Variants in TFDP2 observed in about 807,000 individuals in gnomAD.
TFDP2 encodes transcription factor Dp-2.
A neutral mutation model predicts 59.3 loss-of-function variants in TFDP2; 17 were observed. The ratio of observed to expected loss-of-function variants is 0.29; its 90% CI spans 0.20 to 0.43. The LOEUF (loss-of-function observed/expected upper bound fraction) is 0.43. TFDP2 is among the 20% of genes least tolerant of loss of function. TFDP2 has a pLI of 1.00. For missense variants in TFDP2, 391 were observed against 528.8 expected, an observed-to-expected ratio of 0.74 and a Z score of 2.56; for synonymous variants, 180 against 194.7, an observed-to-expected ratio of 0.92 and a Z score of 0.63.
intron 3 of TFDP2, among the ~76,000 whole-genome samples, chr3:142,077,316 C>CG (rs1406516303): frequency 6.6e-6 from 1 of 152,096 alleles, no homozygotes; most frequent in African/African-American, 2.4e-5. Flanking sequence ...CAGTGGACAT[C>CG]GGGGGCACAC....
Position 141,986,290 on chromosome 3 carries a change from C to T in TFDP2, c.356+7248G>A, listed in dbSNP as rs544278516. Among the ~76,000 whole-genome samples, 26 of 152,310 alleles carry T rather than the reference C, an allele frequency of 1.7e-4. 1 individual carries two copies. In the South Asian group the frequency reaches 1.9e-3, roughly 11 times the overall value. ...GTTTTTAAATGCAAATTTTCATTGACGTACATAACACATAAAGAAAAGTAC... is the reference window on the plus strand; with the variant it reads ...GTTTTTAAATGCAAATTTTCATTGATGTACATAACACATAAAGAAAAGTAC... On this transcript the variant is annotated intron_variant, in intron 6 of 12. Coordinates refer to ENST00000489671, the MANE Select transcript of TFDP2 (RefSeq NM_001178139.2).
At chr3:142,134,348 CAAAAA>C (rs71878913) in intron 1 of TFDP2, among the ~76,000 whole-genome samples, 1 of 126,594 alleles carries the variant, frequency 7.9e-6, no homozygotes, top group African/African-American at 2.7e-5. Context: ...GACCCCATCT[CAAAAA>C]AAAAAAAAAG....
chr3:142,044,667 G>A (rs972706789), intron 3 of TFDP2, among the ~76,000 whole-genome samples: 6 of 152,124 alleles, frequency 3.9e-5, no homozygotes, highest in East Asian at 1.9e-4. Context: ...CACCGTGCCC[G>A]GCCCTAAATA....
At chr3:142,026,037 C>A (rs1043365161) in intron 3 of TFDP2, among the ~76,000 whole-genome samples, 1 of 152,186 alleles carries the variant, frequency 6.6e-6, no homozygotes, top group South Asian at 2.1e-4. Context: ...TTCTGGCCGG[C>A]GCAGTGGCTC....
chr3:141,993,464 C>T, intron 6 of TFDP2, 74 bp downstream of exon 6: 2 of 890,226 alleles, frequency 2.2e-6, no homozygotes, highest in Non-Finnish European at 1.7e-6. Context: ...CGCATTAAAC[C>T]AGAGCAGTGG....
intron 1 of TFDP2, among the ~76,000 whole-genome samples, chr3:142,127,023 T>C (rs2062287739): frequency 6.7e-6 from 1 of 149,744 alleles, no homozygotes; most frequent in Non-Finnish European, 1.5e-5. Context: ...AACATATATG[T>C]TATATATACA....
intron 3 of TFDP2, chr3:142,044,030 T>C (rs1011177078): frequency 4.5e-6 from 3 of 670,092 alleles, no homozygotes; most frequent in South Asian, 3.1e-5. Context: ...AGGAATGGAC[T>C]GTCAACAGGC....
Position 141,947,381 on chromosome 3 carries a change from A to T in TFDP2, c.*5132T>A, listed in dbSNP as rs1041411349. 6.6e-6 allele frequency: 1 copy of T among 152,132 alleles called. No individual in the cohort carries two copies. The highest frequency in any genetic ancestry group is 2.4e-5 in the African/African-American group (1 of 41,424). 9.4% of individuals were successfully genotyped at this position (152,132 alleles called of 1,614,324 possible). On this transcript the variant is annotated 3_prime_UTR_variant, in exon 13 of 13. Coordinates refer to ENST00000489671, the MANE Select transcript of TFDP2 (RefSeq NM_001178139.2). ...TGTAGCCAACAACTTAGAAACACGTAAAATAGTTCTCAATTTCTAATCATT... is the reference window on the plus strand; with the variant it reads ...TGTAGCCAACAACTTAGAAACACGTTAAATAGTTCTCAATTTCTAATCATT...
chr3:142,091,214 T>C (rs2060987385), intron 3 of TFDP2, among the ~76,000 whole-genome samples: 1 of 152,194 alleles, frequency 6.6e-6, no homozygotes, highest in Non-Finnish European at 1.5e-5. Context: ...GTTATCATTT[T>C]CTATGAATGT....
At chr3:142,101,661 G>T in intron 2 of TFDP2, 74 bp downstream of exon 2, 2 of 969,050 alleles carry the variant, frequency 2.1e-6, no homozygotes, top group South Asian at 2.2e-5. Context: ...TAACCAGAAT[G>T]GTGAGAAAAT....
At chr3:141,961,249 T>TG (rs1407860357) in intron 10 of TFDP2, among the ~76,000 whole-genome samples, 4 of 143,682 alleles carry the variant, frequency 2.8e-5, no homozygotes, top group African/African-American at 7.7e-5. Context: ...TTTTTTTTTT[T>TG]TTTTTTTTTT....
chr3:142,011,093 T>C (rs1376581307), intron 3 of TFDP2, among the ~76,000 whole-genome samples: 2 of 56,094 alleles, frequency 3.6e-5, no homozygotes, highest in East Asian at 4.4e-4. Context: ...TTACTGGGTA[T>C]ATACCCAAAG....
chr3:142,086,683 ACT>A (rs2060820158), intron 3 of TFDP2, among the ~76,000 whole-genome samples: 1 of 152,064 alleles, frequency 6.6e-6, no homozygotes, highest in Admixed American at 6.5e-5. Context: ...CAACCTGGAA[ACT>A]CTCCAAACCT....
intron 6 of TFDP2, chr3:141,989,570 G>T (rs747201997): frequency 6.6e-6 from 1 of 152,196 alleles, no homozygotes; most frequent in African/African-American, 2.4e-5. Flanking sequence ...GGGATAAGAG[G>T]TACAAGGGGA....
intron 3 of TFDP2, among the ~76,000 whole-genome samples, chr3:142,090,048 A>C (rs973098852): frequency 9.2e-5 from 14 of 152,204 alleles, no homozygotes; most frequent in African/African-American, 3.4e-4. Context: ...AACAAATATT[A>C]ACTGAATTTT....
chr3:142,079,898 T>G (rs56324837), intron 3 of TFDP2, among the ~76,000 whole-genome samples: 12,961 of 152,220 alleles, frequency 0.085, 696 homozygotes, highest in Middle Eastern at 0.14. Context: ...TCTAAAGAAA[T>G]TCCTTCAATC....
chr3:142,067,643 T>C (rs2060115739), intron 3 of TFDP2, among the ~76,000 whole-genome samples: 1 of 151,958 alleles, frequency 6.6e-6, no homozygotes, highest in Non-Finnish European at 1.5e-5. Flanking sequence ...TATGACAAGG[T>C]AAAAGACTCA....
chr3:142,146,429 A>G (rs1474940200), intron 1 of TFDP2, among the ~76,000 whole-genome samples: 1 of 152,166 alleles, frequency 6.6e-6, no homozygotes, highest in Non-Finnish European at 1.5e-5. Context: ...TAAGATAGAC[A>G]CTATTATTAA....
chr3:141,967,946 G>C (rs1259497885), intron 9 of TFDP2, among the ~76,000 whole-genome samples: 1 of 152,006 alleles, frequency 6.6e-6, no homozygotes, highest in Admixed American at 6.6e-5. Flanking sequence ...TGATAAACAG[G>C]TTTTTAAAAA....
Sources: allele counts gnomAD v4.1 joint callset (sites outside exome capture counted in the v4.1 genomes callset), GRCh38; gene constraint gnomAD v4.1.1; transcripts MANE v1.5; gene names NCBI Gene and HGNC (gene_info 2026-07-23, HGNC 2026-07-21).